Variants in GCA observed in about 807,000 individuals in gnomAD.
GCA encodes the protein grancalcin, EF-hand calcium-binding protein.
In GCA, 30 loss-of-function variants were observed where a neutral mutation model predicts 32.6. The observed-to-expected ratio is 0.92, with a 90% CI of 0.69 to 1.25. The LOEUF is 1.25. GCA is among the 50% of genes most tolerant of loss of function. The probability of loss-of-function intolerance (pLI) is 0.00; values close to 1 mark genes in which losing one functional copy is unlikely to be tolerated. For synonymous variants in GCA, 102 were observed against 84.6 expected, an observed-to-expected ratio of 1.21 and a Z score of -1.13; for missense variants, 291 against 266.8, an observed-to-expected ratio of 1.09 and a Z score of -0.63.
chr2:162,328,833 G>A (rs1041018273), intron 1 of GCA, among the ~76,000 whole-genome samples: 4 of 152,146 alleles, frequency 2.6e-5, no homozygotes, highest in African/African-American at 4.8e-5. Flanking sequence ...ATGAGTGCAA[G>A]GTTTTATTGA....
chr2:162,326,010 C>A (rs186280747), intron 1 of GCA, among the ~76,000 whole-genome samples: 1 of 152,204 alleles, frequency 6.6e-6, no homozygotes, highest in East Asian at 1.9e-4. Flanking sequence ...AAGTGAGAGG[C>A]TGAAACTGGA....
downstream of GCA, among the ~76,000 whole-genome samples, chr2:162,364,138 T>C (rs1437521347): frequency 6.6e-6 from 1 of 151,438 alleles, no homozygotes; most frequent in Admixed American, 6.6e-5. Flanking sequence ...ACCCCAATGT[T>C]TTCCCTTAAC....
At chr2:162,373,714 C>A, downstream of GCA, 1 of 1,292,244 alleles carries the variant, frequency 7.7e-7, no homozygotes, top group Non-Finnish European at 1.0e-6. Flanking sequence ...TCCAGAATTT[C>A]AGGAGCATTT....
chr2:162,350,602 A>G (rs1052016090), intron 2 of GCA, among the ~76,000 whole-genome samples: 11 of 152,234 alleles, frequency 7.2e-5, no homozygotes, highest in African/African-American at 2.7e-4. Flanking sequence ...TACATTCATC[A>G]TATAAAATTA....
At chr2:162,330,157 T>C (rs943042433) in intron 1 of GCA, among the ~76,000 whole-genome samples, 1 of 152,226 alleles carries the variant, frequency 6.6e-6, no homozygotes, top group Non-Finnish European at 1.5e-5. Context: ...GTCTTTACAA[T>C]AGAACAACTT....
At chr2:162,359,413 C>T (rs1311783708) in intron 6 of GCA, 81 bp from the exon 7 acceptor site, 3 of 650,416 alleles carry the variant, frequency 4.6e-6, no homozygotes, top group East Asian at 2.9e-5. Context: ...TGAAATTATT[C>T]TTTTTGTGTA....
intron 1 of GCA, among the ~76,000 whole-genome samples, chr2:162,336,681 C>T (rs1684281425): frequency 6.6e-6 from 1 of 152,108 alleles, no homozygotes; most frequent in Non-Finnish European, 1.5e-5. Flanking sequence ...CCTAGTTGCT[C>T]AGTGAAATAT....
intron 1 of GCA, among the ~76,000 whole-genome samples, chr2:162,322,631 C>T (rs1178008471): frequency 7.0e-6 from 1 of 143,484 alleles, no homozygotes; most frequent in Admixed American, 7.1e-5. Flanking sequence ...TTGTTCAATT[C>T]CCACCTATGA....
Position 162,361,944 on chromosome 2 carries a change from ATTAT to A in GCA, c.*1702_*1705del. The A allele has an allele frequency of 1.0e-6, 1 of 984,072 alleles. No homozygotes were observed. The highest frequency in any genetic ancestry group is 1.2e-6 in the Non-Finnish European group (1 of 828,914). The allele number at this position is 984,072 out of a possible 1,614,324, so 61.0% of individuals were successfully genotyped here. ...CTGAACTATTCTGCGGTCGATTATGATTATCTCTCTTACTTGGAGGCTCACAGTT... is the reference window on the plus strand; with the variant it reads ...CTGAACTATTCTGCGGTCGATTATGACTCTCTTACTTGGAGGCTCACAGTT... On this transcript the variant is annotated 3_prime_UTR_variant, in exon 8 of 8. Transcript: ENST00000437150.
intron 2 of GCA, among the ~76,000 whole-genome samples, chr2:162,348,923 A>G (rs1012976534): frequency 2.0e-5 from 3 of 152,076 alleles, no homozygotes; most frequent in African/African-American, 4.8e-5. Context: ...TAAGATGCCA[A>G]TGTCTTCCAA....
Position 162,361,155 on chromosome 2 carries a change from CAACATT to C in GCA, c.*920_*925del, listed in dbSNP as rs1342297013. Reference sequence around the variant, plus strand: ...GAAATTTTACATTTGACTTATTTGACAACATTAACATTAGTGGTGGCTTTGCCATTA... The same window carrying C: ...GAAATTTTACATTTGACTTATTTGACAACATTAGTGGTGGCTTTGCCATTA... On this transcript the variant is annotated 3_prime_UTR_variant, in exon 8 of 8. Coordinates refer to ENST00000437150, the MANE Select transcript of GCA (RefSeq NM_012198.5). 1 of 983,390 alleles carries C rather than the reference CAACATT, an allele frequency of 1.0e-6. No individual in the cohort carries two copies. Among genetic ancestry groups the C allele is most frequent in the Non-Finnish European group, 1.2e-6 (1 of 828,056 alleles). 60.9% of individuals were successfully genotyped at this position (983,390 alleles called of 1,614,324 possible).
At chr2:162,369,026 G>T (rs921502117) in intron 4 of GCA, among the ~76,000 whole-genome samples, 1 of 152,028 alleles carries the variant, frequency 6.6e-6, no homozygotes, top group African/African-American at 2.4e-5. Context: ...AGGGGACCAG[G>T]TAACATTATT....
At chr2:162,320,912 G>C (rs1269877490) in intron 1 of GCA, among the ~76,000 whole-genome samples, 2 of 152,148 alleles carry the variant, frequency 1.3e-5, no homozygotes, top group African/African-American at 4.8e-5. Context: ...CAGTTTCACA[G>C]GTTGATTTCC....
intron 3 of GCA, among the ~76,000 whole-genome samples, chr2:162,352,978 G>T (rs1055080093): frequency 2.0e-5 from 3 of 152,022 alleles, no homozygotes; most frequent in African/African-American, 7.2e-5. Context: ...TAGTTGTCAG[G>T]TATTATCCTA....
intron 3 of GCA, among the ~76,000 whole-genome samples, chr2:162,355,255 G>A (rs1393440421): frequency 6.6e-6 from 1 of 152,030 alleles, no homozygotes; most frequent in East Asian, 1.9e-4. Context: ...CCTTACTCAT[G>A]CTAAGAACAC....
chr2:162,354,269 C>T (rs971887842), intron 3 of GCA, among the ~76,000 whole-genome samples: 4 of 152,098 alleles, frequency 2.6e-5, no homozygotes, highest in African/African-American at 9.7e-5. Context: ...TTTGGCTGGG[C>T]AGTTTTGTCT....
chr2:162,332,048 G>T (rs80282328), intron 1 of GCA, among the ~76,000 whole-genome samples: 1 of 151,966 alleles, frequency 6.6e-6, no homozygotes, highest in South Asian at 2.1e-4. Context: ...GGTGGCTCAC[G>T]CCTGTAATCC....
chr2:162,332,605 G>A (rs1309385975), intron 1 of GCA, among the ~76,000 whole-genome samples: 1 of 151,964 alleles, frequency 6.6e-6, no homozygotes, highest in East Asian at 1.9e-4. Context: ...CCCATAGCAG[G>A]GCTTCAACTT....
rs377263637 is a variant in GCA, at chr2:162,338,065, C to T, written c.-30-9513C>T. Among the ~76,000 whole-genome samples, 3 of 152,270 alleles carry T rather than the reference C, an allele frequency of 2.0e-5. No individual in the cohort carries two copies. In the East Asian group the frequency reaches 5.8e-4, roughly 29 times the overall value. On this transcript the variant is annotated intron_variant, in intron 1 of 4. Coordinates refer to the GCA transcript ENST00000429691. ...ACAATGCAAGTTATTACTACGTTTC[C>T]TCTGAAGATGTAATTGGTGCTACTT...
Sources: gnomAD v4.1 joint callset for allele counts (sites outside exome capture counted in the v4.1 genomes callset) on GRCh38, gnomAD v4.1.1 for gene constraint, MANE v1.5 for transcripts, NCBI Gene and HGNC (gene_info 2026-07-23, HGNC 2026-07-21) for gene names.